Variants in ACACA observed in about 807,000 individuals in gnomAD.
ACACA encodes acetyl-CoA carboxylase alpha.
Under a neutral mutation model 296.1 loss-of-function variants are expected in ACACA, and 103 were observed. The ratio of observed to expected loss-of-function variants is 0.35; its 90% CI spans 0.30 to 0.41. The LOEUF is 0.41. ACACA is among the 10% of genes least tolerant of loss of function. The probability of loss-of-function intolerance (pLI) is 1.00; values close to 1 mark genes in which losing one functional copy is unlikely to be tolerated. For missense variants in ACACA, 1,554 were observed against 2,989.7 expected (o/e 0.52, Z 11.20); for synonymous variants, 953 against 1,038.6 (o/e 0.92, Z 1.58).
chr17:37,097,002 T>G lies in ACACA; in HGVS notation c.6885A>C (p.Thr2295=). Residue 2295 remains threonine (T), a synonymous_variant, in exon 54 of 56, where the codon ACA becomes ACC. Coordinates refer to ENST00000616317, the MANE Select transcript of ACACA (RefSeq NM_198834.3). The surrounding 1 kb of genome is among the most constrained non-coding windows in gnomAD (Gnocchi z 4.8). ...CTTTGAGTGTCCCACCTACCTTCAC[T>G]GTTCCTTCCACTTCCACAAACCAGC... ...LRRWFVEVEG[T]VKAYVWDNNK... 2 of 1,614,158 alleles carry G rather than the reference T, an allele frequency of 1.2e-6. No homozygotes were observed. Among genetic ancestry groups the G allele is most frequent in the Admixed American group, 1.7e-5 (1 of 60,024 alleles).
chr17:37,088,795 T>C (rs772371941), intron 55 of ACACA, 143 bp downstream of exon 55: 3 of 1,123,662 alleles, frequency 2.7e-6, no homozygotes, highest in Non-Finnish European at 4.1e-6. Flanking sequence ...TCTGTACCTG[T>C]GGGTCAACTA....
Position 37,244,584 on chromosome 17 carries a change from A to G in ACACA, c.2742+4T>C. The G allele has an allele frequency of 1.2e-6, 2 of 1,614,122 alleles. No individual in the cohort carries two copies. The highest frequency in any genetic ancestry group is 1.3e-5 in the African/African-American group (1 of 75,056). ...ATCCCTTCCCCAGGAGACGTGATAC[A>G]TACCTTGCTGCTAAAGAAAGGATCT... On this transcript the variant is annotated splice_donor_region_variant and intron_variant, in intron 21 of 55. Transcript: ENST00000616317.
chr17:37,152,903 T>C (rs541185218), intron 43 of ACACA, among the ~76,000 whole-genome samples: 77 of 152,340 alleles, frequency 5.1e-4, no homozygotes, highest in African/African-American at 1.9e-3. Context: ...ATTCTTTTTC[T>C]TTGCCCTTGC....
intron 3 of ACACA, among the ~76,000 whole-genome samples, chr17:37,322,750 G>A (rs886221527): frequency 6.6e-6 from 1 of 152,144 alleles, no homozygotes; most frequent in Non-Finnish European, 1.5e-5. Context: ...AGAAAGAGAG[G>A]AGGGACGTCT....
chr17:37,405,584 C>T (rs1211500289), intron 1 of ACACA, among the ~76,000 whole-genome samples: 1 of 152,102 alleles, frequency 6.6e-6, no homozygotes, highest in East Asian at 1.9e-4. Flanking sequence ...CAGAGTTTCG[C>T]TCTCGTTGCC....
chr17:37,318,993 C>T (rs2047221792), intron 3 of ACACA, among the ~76,000 whole-genome samples: 1 of 152,106 alleles, frequency 6.6e-6, no homozygotes, highest in South Asian at 2.1e-4. Context: ...CCAATTGTTG[C>T]TCTGTAACTA....
chr17:37,381,739 T>C, intron 1 of ACACA, among the ~76,000 whole-genome samples: 1 of 149,950 alleles, frequency 6.7e-6, no homozygotes, highest in East Asian at 2.0e-4. Context: ...GCCATTCTCC[T>C]GCCTCAGCCT....
intron 2 of ACACA, among the ~76,000 whole-genome samples, chr17:37,337,293 G>GTAA (rs1231831309): frequency 6.6e-6 from 1 of 151,958 alleles, no homozygotes; most frequent in Admixed American, 6.5e-5. Flanking sequence ...GCATGCACCT[G>GTAA]TAGTCCCAGC....
intron 1 of ACACA, among the ~76,000 whole-genome samples, chr17:37,348,381 C>T (rs1319502498): frequency 1.3e-5 from 2 of 152,078 alleles, no homozygotes; most frequent in African/African-American, 2.4e-5. Flanking sequence ...CAAGGCACAT[C>T]ACTGAAATTT....
chr17:37,097,019 C>T lies in ACACA; in HGVS notation c.6868G>A (p.Val2290Met). The change falls in exon 54 of 56, where the codon GTG (valine) becomes ATG (methionine). Residue 2290 changes from valine (V) to methionine (M), a missense_variant. By Grantham distance (21) the Val-to-Met change is conservative. This residue lies in a region of ACACA where 553 missense variants were observed against 1,043.6 expected (regional missense o/e 0.53). Transcript: ENST00000616317. This position sits in a 1 kb window ranked among gnomAD's most constrained non-coding sequence, Gnocchi z 4.8. ...QIQAMLRRWF[V>M]EVEGTVKAYV... is the part of the protein sequence containing the mutation. ...ACCTTCACTGTTCCTTCCACTTCCA[C>T]AAACCAGCGCCTTAACATGGCTTGA... 1 of 1,614,166 alleles carries T rather than the reference C, an allele frequency of 6.2e-7. No homozygotes were observed. Among genetic ancestry groups the T allele is most frequent in the African/African-American group, 1.3e-5 (1 of 75,044 alleles).
chr17:37,290,661 A>G (rs1181946544), intron 3 of ACACA, among the ~76,000 whole-genome samples: 1 of 152,232 alleles, frequency 6.6e-6, no homozygotes, highest in African/African-American at 2.4e-5. Flanking sequence ...CCTGCACTGA[A>G]TATAGTCACA....
rs114960525 is a variant in ACACA, at chr17:37,149,482, T to C, written c.5679+382A>G. ...CTGTGTATAGATCTCCTCACATCTT[T>C]TACTAATAGATTAAGAAAAAGAGAG... On this transcript the variant is annotated intron_variant, in intron 45 of 55. Transcript: ENST00000616317. Among the ~76,000 whole-genome samples, 1,261 of 152,256 alleles carry C rather than the reference T, an allele frequency of 8.3e-3. 13 individuals carry two copies. The highest frequency in any genetic ancestry group is 0.029 in the African/African-American group (1,207 of 41,550).
rs144093955 is a variant in ACACA, at chr17:37,336,462, C to T, written c.85+3342G>A. Among the ~76,000 whole-genome samples the T allele has an allele frequency of 1.8e-3, 278 of 152,236 alleles. 1 individual carries two copies. Among genetic ancestry groups the T allele is most frequent in the African/African-American group, 5.9e-3 (246 of 41,546 alleles). On this transcript the variant is annotated intron_variant, in intron 2 of 55. Transcript: ENST00000616317. ...AACACCGGGCTTGCAACTTAGCTCACGCCCAACCAATCAGATACTAAAGAG... is the reference window on the plus strand; with the variant it reads ...AACACCGGGCTTGCAACTTAGCTCATGCCCAACCAATCAGATACTAAAGAG...
chr17:37,351,086 G>A (rs182017408), intron 1 of ACACA, among the ~76,000 whole-genome samples: 159 of 152,326 alleles, frequency 1.0e-3, no homozygotes, highest in Non-Finnish European at 1.8e-4. Flanking sequence ...ATTGCAGTGC[G>A]CTGAGATCGC....
chr17:37,213,047 G>A (rs923303914), intron 29 of ACACA, among the ~76,000 whole-genome samples: 3 of 152,080 alleles, frequency 2.0e-5, no homozygotes, highest in Admixed American at 6.6e-5. Flanking sequence ...GCCGGGCGCA[G>A]TGGCTCATGC....
intron 1 of ACACA, among the ~76,000 whole-genome samples, chr17:37,342,977 T>A (rs966118789): frequency 2.0e-5 from 3 of 150,476 alleles, no homozygotes; most frequent in African/African-American, 4.9e-5. Flanking sequence ...CATTCAGAAA[T>A]TTTTTTTTTC....
At chr17:37,177,750 A>G (rs8071957) in intron 41 of ACACA, among the ~76,000 whole-genome samples, 4,401 of 152,286 alleles carry the variant, frequency 0.029, 102 homozygotes, top group African/African-American at 0.06. Flanking sequence ...CTCTGTTTCA[A>G]CTTCGTGTGC....
At chr17:37,359,226 A>G (rs1276687953) in intron 1 of ACACA, 2 of 825,536 alleles carry the variant, frequency 2.4e-6, no homozygotes, top group Middle Eastern at 1.2e-3. Context: ...GTCCGGGGTT[A>G]CTCCAGGCCG....
chr17:37,212,953 G>A (rs866435455), intron 29 of ACACA, among the ~76,000 whole-genome samples: 101 of 148,812 alleles, frequency 6.8e-4, no homozygotes, highest in African/African-American at 2.1e-3. Context: ...GATTGTATAC[G>A]AGTCAAATAT....
Sources: allele counts gnomAD v4.1 joint callset (sites outside exome capture counted in the v4.1 genomes callset), GRCh38; gene constraint gnomAD v4.1.1; regional missense constraint gnomAD v4.1.1; non-coding constraint Gnocchi (gnomAD v3.1); transcripts MANE v1.5; gene names NCBI Gene and HGNC (gene_info 2026-07-23, HGNC 2026-07-21).